KIF21B: variants seen among roughly 807,000 people sequenced by gnomAD.
The protein encoded by KIF21B is kinesin family member 21B, also known as kinesin-like protein KIF21B.
Under a neutral mutation model 192.9 loss-of-function variants are expected in KIF21B, and 85 were observed. The ratio of observed to expected loss-of-function variants is 0.44; its 90% CI spans 0.37 to 0.53. The LOEUF (loss-of-function observed/expected upper bound fraction) is 0.53, where lower values mean the gene tolerates loss of function less well. KIF21B is among the 20% of genes least tolerant of loss of function. The probability of loss-of-function intolerance (pLI) is 0.00; values close to 1 mark genes in which losing one functional copy is unlikely to be tolerated. For missense variants in KIF21B, 1,716 were observed against 2,194.8 expected, an observed-to-expected ratio of 0.78 and a Z score of 4.36; for synonymous variants, 832 against 884.6, an observed-to-expected ratio of 0.94 and a Z score of 1.05.
rs143031335 is a variant in KIF21B at position 201,001,230 on chromosome 1, T to C, written c.1403-450A>G. On this transcript the variant is annotated intron_variant, in intron 9 of 34. Transcript: ENST00000461742. ...TGGGCCTTTTCCAAAAAGAAATCTA[T>C]AGAAAAAATACTTTGCACAGAGGTA... 9.9e-5 allele frequency among the ~76,000 whole-genome samples: 15 copies of C among 152,032 alleles called. No homozygotes were observed. The East Asian group carries it at 2.9e-3, about 29-fold the overall frequency.
chr1:201,020,808 TACACACAC>T (rs60686711), intron 1 of KIF21B, among the ~76,000 whole-genome samples: 28 of 142,916 alleles, frequency 2.0e-4, no homozygotes, highest in East Asian at 4.1e-4. Context: ...CTCTCTCCTC[TACACACAC>T]ACACACACAC....
rs538978113 is a variant in KIF21B, at chr1:200,977,097, G to C, written c.4325+115C>G. The C allele has an allele frequency of 2.4e-6, 3 of 1,235,634 alleles. No individual in the cohort carries two copies. In the East Asian group the frequency reaches 7.0e-5, roughly 29 times the overall value. The allele number at this position is 1,235,634 out of a possible 1,614,324, so 76.5% of individuals were successfully genotyped here. Reference sequence around the variant, plus strand: ...GGGCACAGGCCCAGCAGCATGGGGGGAATAAAGGTGTTGCTGAGGTCCTAC... The same window carrying C: ...GGGCACAGGCCCAGCAGCATGGGGGCAATAAAGGTGTTGCTGAGGTCCTAC... On this transcript the variant is annotated intron_variant, in intron 31 of 34. Transcript: ENST00000461742.
At position 200,999,734 on chromosome 1, in the gene KIF21B, G is replaced by A. The variant is rs1419613198; in HGVS notation, c.1767+149C>T. 2.0e-5 allele frequency: 18 copies of A among 891,352 alleles called. No individual in the cohort carries two copies. The highest frequency in any genetic ancestry group is 3.2e-5 in the Non-Finnish European group (18 of 556,516). 55.2% of individuals were successfully genotyped at this position (891,352 alleles called of 1,614,324 possible). ...GGGATGGAGATCACCATGGTAACCA[G>A]TCAGAGATATAAGGAAGTACAAGGA... On this transcript the variant is annotated intron_variant, in intron 12 of 34. Transcript: ENST00000461742. The surrounding 1 kb of genome is among the most constrained non-coding windows in gnomAD (Gnocchi z 4.7).
rs1026701714 is a variant in KIF21B, at chr1:201,023,177, C to A, written c.41+166G>T. On this transcript the variant is annotated intron_variant, in intron 1 of 34. Transcript: ENST00000461742. This position sits in a 1 kb window ranked among gnomAD's most constrained non-coding sequence, Gnocchi z 5.9. ...AGTCGGCGGGGTCGCCGCTCCCCTG[C>A]GGCAGACTGGCCAGCGCGCGGCGCC... 2.0e-5 allele frequency among the ~76,000 whole-genome samples: 3 copies of A among 152,244 alleles called. No homozygotes were observed. The highest frequency in any genetic ancestry group is 1.3e-4 in the Admixed American group (2 of 15,292).
In KIF21B at chr1:200,990,647, G is replaced by A. The variant is rs1656625835; in HGVS notation, c.2764C>T (p.Arg922Trp). Residue 922 changes from arginine (R) to tryptophan (W), a missense_variant, in exon 19 of 35, where the codon CGG becomes TGG. This residue lies in a region of KIF21B where 1,087 missense variants were observed against 1,316.6 expected (regional missense o/e 0.83). Coordinates refer to ENST00000461742, the MANE Select transcript of KIF21B (RefSeq NM_001252102.2). The surrounding 1 kb of genome is among the most constrained non-coding windows in gnomAD (Gnocchi z 5.4). Reference sequence around the variant, plus strand: ...CTCTGCATGACGATGTCAATGATCCGTCGCTCCAGGGACTGCCACTTGAGC... The same window carrying A: ...CTCTGCATGACGATGTCAATGATCCATCGCTCCAGGGACTGCCACTTGAGC... ...ARLKWQSLERRIIDIVMQRMT... is the reference protein window; with the variant it reads ...ARLKWQSLERWIIDIVMQRMT... 5.0e-6 allele frequency: 8 copies of A among 1,614,006 alleles called. No individual in the cohort carries two copies. The highest frequency in any genetic ancestry group is 2.2e-5 in the South Asian group (2 of 91,082).
chr1:200,976,349 C>A (rs1655547806), intron 32 of KIF21B, among the ~76,000 whole-genome samples: 1 of 152,218 alleles, frequency 6.6e-6, no homozygotes, highest in Non-Finnish European at 1.5e-5. Flanking sequence ...ACCTCAGCCT[C>A]CCAAAGTGCT....
chr1:200,978,295 C>T (rs761556506), intron 30 of KIF21B, among the ~76,000 whole-genome samples: 1 of 151,148 alleles, frequency 6.6e-6, no homozygotes, highest in African/African-American at 2.4e-5. Flanking sequence ...GTGATCTGCC[C>T]GCCTCGGCCT....
chr1:201,008,724 T>G (rs1394319655), intron 3 of KIF21B, 45 bp downstream of exon 3: 1 of 1,527,954 alleles, frequency 6.5e-7, no homozygotes, highest in African/African-American at 1.4e-5. Flanking sequence ...ATGGTCCTGT[T>G]GTCCACCAAG....
intron 1 of KIF21B, among the ~76,000 whole-genome samples, chr1:201,018,831 A>C (rs929015853): frequency 6.6e-6 from 1 of 152,226 alleles, no homozygotes; most frequent in African/African-American, 2.4e-5. Context: ...GCTCTAAATT[A>C]ATATATTAAT....
intron 3 of KIF21B, among the ~76,000 whole-genome samples, chr1:201,008,212 C>T (rs955165643): frequency 3.3e-5 from 5 of 152,194 alleles, no homozygotes; most frequent in African/African-American, 1.2e-4. Context: ...TCCCTGGCTG[C>T]CACAGTCTGG....
In KIF21B at chr1:201,000,077, G is replaced by A. The variant is rs1333580455; in HGVS notation, c.1686-113C>T. ...AGGCTCTCACCAGAGGCCGGGGAGAGCACTGGCTCCTACTCTGCAGAGAAC... is the reference window on the plus strand; with the variant it reads ...AGGCTCTCACCAGAGGCCGGGGAGAACACTGGCTCCTACTCTGCAGAGAAC... On this transcript the variant is annotated intron_variant, in intron 11 of 34. Coordinates refer to ENST00000461742, the MANE Select transcript of KIF21B (RefSeq NM_001252102.2). This position sits in a 1 kb window ranked among gnomAD's most constrained non-coding sequence, Gnocchi z 6.0. 2 of 950,120 alleles carry A rather than the reference G, an allele frequency of 2.1e-6. No individual in the cohort carries two copies. The highest frequency in any genetic ancestry group is 3.3e-6 in the Non-Finnish European group (2 of 601,648). 58.9% of individuals were successfully genotyped at this position (950,120 alleles called of 1,614,324 possible). A position where few individuals can be genotyped will look rare whatever the true frequency, so the allele number is the denominator to read the frequency against.
chr1:201,018,997 C>T (rs1053260054), intron 1 of KIF21B, among the ~76,000 whole-genome samples: 124 of 152,240 alleles, frequency 8.1e-4, no homozygotes, highest in African/African-American at 2.9e-3. Flanking sequence ...TGCAGTGGTG[C>T]GATCTCAGCT....
In KIF21B at chr1:200,975,683, G is replaced by C; in HGVS notation, c.4444-14C>G. ...CAGCTCGAACATCTGTGGGAGGAGG[G>C]GCCAGTAGGGAGAGGCCAAGTGGGA... is the stretch of plus-strand genomic sequence containing the variant. On this transcript the variant is annotated splice_polypyrimidine_tract_variant and intron_variant, in intron 32 of 34. Coordinates refer to ENST00000461742, the MANE Select transcript of KIF21B (RefSeq NM_001252102.2). The surrounding 1 kb of genome is among the most constrained non-coding windows in gnomAD (Gnocchi z 4.3). 6.3e-7 allele frequency: 1 copy of C among 1,597,924 alleles called. No homozygotes were observed. The highest frequency in any genetic ancestry group is 8.5e-7 in the Non-Finnish European group (1 of 1,169,866).
At chr1:201,021,361 C>A (rs1271665625) in intron 1 of KIF21B, among the ~76,000 whole-genome samples, 1 of 152,226 alleles carries the variant, frequency 6.6e-6, no homozygotes, top group Admixed American at 6.5e-5. Context: ...GGGCGGGGCC[C>A]TTACCTTCCC....
rs530822474 is a variant in KIF21B at position 200,973,577 on chromosome 1, C to T, written c.4816G>A (p.Asp1606Asn). 4.9e-5 allele frequency: 74 copies of T among 1,519,290 alleles called. No homozygotes were observed. The African/African-American group carries it at 9.6e-4, about 20-fold the overall frequency. The allele number at this position is 1,519,290 out of a possible 1,614,324, so 94.1% of individuals were successfully genotyped here. Residue 1606 changes from aspartate (D) to asparagine (N), a missense_variant and splice_region_variant, in exon 35 of 35, where the codon GAC (aspartate) becomes AAC (asparagine). Around this residue, in one of 3 missense-constraint regions of KIF21B, gnomAD observed 580 missense variants for 775.5 expected, o/e 0.75. Transcript: ENST00000461742. Reference sequence around the variant, plus strand: ...ACACTCCAGAACTTCACCGTCAGGTCACTGGGGTGGAGGACAAAGTGGAGG... The same window carrying T: ...ACACTCCAGAACTTCACCGTCAGGTTACTGGGGTGGAGGACAAAGTGGAGG... ...NAKHIFTASS[D>N]LTVKFWSVRR...
At chr1:200,979,269 A>G (rs1182044819) in intron 30 of KIF21B, among the ~76,000 whole-genome samples, 1 of 152,042 alleles carries the variant, frequency 6.6e-6, no homozygotes, top group Non-Finnish European at 1.5e-5. Flanking sequence ...AACACACCTC[A>G]AGGGGCAGGG....
chr1:200,999,352 T>C lies in KIF21B; in HGVS notation c.1882A>G (p.Lys628Glu). The C allele has an allele frequency of 6.2e-7, 1 of 1,613,960 alleles. No individual in the cohort carries two copies. The highest frequency in any genetic ancestry group is 8.5e-7 in the Non-Finnish European group (1 of 1,179,970). ...LVDSDSDPEEKEVNFQADLAD... is the reference protein window; with the variant it reads ...LVDSDSDPEEEEVNFQADLAD... ...CCCACAGCTCAGGCCCACGCACCCT[T>C]CTCCTCGGGGTCTGAGTCTGAGTCC... is the stretch of plus-strand genomic sequence containing the variant. Residue 628 changes from lysine (K) to glutamate (E), a missense_variant, in exon 13 of 35, where the codon AAG becomes GAG. By Grantham distance (56) the Lys-to-Glu change is moderately conservative. This residue lies in a region of KIF21B where 1,087 missense variants were observed against 1,316.6 expected (regional missense o/e 0.83). Coordinates refer to ENST00000461742, the MANE Select transcript of KIF21B (RefSeq NM_001252102.2). The surrounding 1 kb of genome is among the most constrained non-coding windows in gnomAD (Gnocchi z 4.7).
At chr1:200,985,224 A>T (rs1012594959) in intron 26 of KIF21B, among the ~76,000 whole-genome samples, 1 of 152,206 alleles carries the variant, frequency 6.6e-6, no homozygotes, top group Non-Finnish European at 1.5e-5. Context: ...GCAGTGGCTC[A>T]CATCTGTAAT....
At chr1:200,996,562 A>G (rs1337433761) in intron 14 of KIF21B, among the ~76,000 whole-genome samples, 167 bp from the exon 15 acceptor site, 2 of 152,180 alleles carry the variant, frequency 1.3e-5, no homozygotes, top group Non-Finnish European at 2.9e-5. Flanking sequence ...TGAGGGGGTC[A>G]GACTAGTTGA....
Sources: allele counts gnomAD v4.1 joint callset (sites outside exome capture counted in the v4.1 genomes callset), GRCh38; gene constraint gnomAD v4.1.1; regional missense constraint gnomAD v4.1.1; non-coding constraint Gnocchi (gnomAD v3.1); transcripts MANE v1.5; gene names NCBI Gene and HGNC (gene_info 2026-07-23, HGNC 2026-07-21).